Variants in KIF21B observed in about 807,000 individuals in gnomAD.
KIF21B encodes the protein kinesin-like protein KIF21B.
Under a neutral mutation model 192.9 loss-of-function variants are expected in KIF21B, and 85 were observed. That is an observed-to-expected ratio of 0.44 (90% CI 0.37 to 0.53). The LOEUF (loss-of-function observed/expected upper bound fraction) is 0.53. Ranked by LOEUF, KIF21B falls within the 20% of genes least tolerant of loss-of-function variation. The pLI, the probability that KIF21B is intolerant of heterozygous loss-of-function variation, is 0.00. For missense variants in KIF21B, 1,716 were observed against 2,194.8 expected, an observed-to-expected ratio of 0.78 and a Z score of 4.36; for synonymous variants, 832 against 884.6, an observed-to-expected ratio of 0.94 and a Z score of 1.05.
intron 8 of KIF21B, chr1:201,003,025 G>T: frequency 6.1e-6 from 1 of 163,764 alleles, no homozygotes. Flanking sequence ...CTGTTCCTTT[G>T]TGCATGGCTT....
rs116678140 is a variant in KIF21B at position 200,998,164 on chromosome 1, G to T, written c.2077+220C>A. 0.017 allele frequency among the ~76,000 whole-genome samples: 2,612 copies of T among 152,228 alleles called. 84 individuals carry two copies. Among genetic ancestry groups the T allele is most frequent in the African/African-American group, 0.059 (2,439 of 41,520 alleles). On this transcript the variant is annotated intron_variant, in intron 14 of 34. Transcript: ENST00000461742. The surrounding 1 kb of genome is among the most constrained non-coding windows in gnomAD (Gnocchi z 4.3). ...TATATAAAGAATTCTAATACATGAC[G>T]TGATAGCAAAGAAAAAAAATCAATT...
At chr1:200,979,785 T>G in intron 29 of KIF21B, 70 bp from the exon 30 acceptor site, 2 of 1,324,336 alleles carry the variant, frequency 1.5e-6, no homozygotes, top group Non-Finnish European at 2.0e-6. Context: ...GCTCCACCTC[T>G]GCAGGGGCTG....
intron 30 of KIF21B, among the ~76,000 whole-genome samples, chr1:200,977,595 T>C (rs772205310): frequency 2.0e-5 from 3 of 152,182 alleles, no homozygotes; most frequent in Non-Finnish European, 2.9e-5. Context: ...GGCCTGCCCA[T>C]GTGCCTGGTC....
At position 201,002,401 on chromosome 1, in the gene KIF21B, G is replaced by C. The variant is rs765018293; in HGVS notation, c.1213-51C>G. Reference sequence around the variant, plus strand: ...GTCAGGCAGCAGAGCTCGCGGTTGGGGGGGTAAGGGGCTGATGATGCCCCT... The same window carrying C: ...GTCAGGCAGCAGAGCTCGCGGTTGGCGGGGTAAGGGGCTGATGATGCCCCT... On this transcript the variant is annotated intron_variant, in intron 8 of 34. Coordinates refer to ENST00000461742, the MANE Select transcript of KIF21B (RefSeq NM_001252102.2). 64 of 1,545,194 alleles carry C rather than the reference G, an allele frequency of 4.1e-5. No individual in the cohort carries two copies. In the East Asian group the frequency reaches 1.2e-3, roughly 28 times the overall value.
intron 1 of KIF21B, among the ~76,000 whole-genome samples, chr1:201,013,001 C>G (rs1192931943): frequency 6.6e-6 from 1 of 152,172 alleles, no homozygotes; most frequent in African/African-American, 2.4e-5. Flanking sequence ...CCATCAGAGC[C>G]ATGGGGGCTC....
intron 15 of KIF21B, among the ~76,000 whole-genome samples, chr1:200,993,399 C>T (rs28377647): frequency 0.076 from 11,563 of 152,194 alleles, 1,407 homozygotes; most frequent in African/African-American, 0.26. Context: ...CCAGAAGCCT[C>T]GAACATCACC....
chr1:200,994,731 C>T (rs575698413), intron 15 of KIF21B, among the ~76,000 whole-genome samples: 53 of 152,342 alleles, frequency 3.5e-4, no homozygotes, highest in Admixed American at 1.2e-3. Flanking sequence ...CAGCTGGGAA[C>T]TCCCAGGGAG....
chr1:200,987,168 C>T lies in KIF21B; in HGVS notation c.3442G>A (p.Val1148Met), dbSNP rs1185314463. Residue 1148 changes from valine (V) to methionine (M), a missense_variant, in exon 25 of 35, where the codon GTG (valine) becomes ATG (methionine). By Grantham distance (21) the Val-to-Met change is conservative. Coordinates refer to ENST00000461742, the MANE Select transcript of KIF21B (RefSeq NM_001252102.2). Reference sequence around the variant, plus strand: ...GGGGGGCCCAGGCACTCAGCCGACACAGCTTTCATTTGGGCAGACAGTTTG... The same window carrying T: ...GGGGGGCCCAGGCACTCAGCCGACATAGCTTTCATTTGGGCAGACAGTTTG... ...EPKLSAQMKA[V>M]SAECLGPPLD... 6 of 1,613,868 alleles carry T rather than the reference C, an allele frequency of 3.7e-6. No individual in the cohort carries two copies. Among genetic ancestry groups the T allele is most frequent in the Non-Finnish European group, 5.1e-6 (6 of 1,179,996 alleles).
intron 14 of KIF21B, among the ~76,000 whole-genome samples, chr1:200,997,444 CT>C (rs957318567): frequency 2.6e-5 from 4 of 152,182 alleles, no homozygotes; most frequent in African/African-American, 7.2e-5. Context: ...CACGACCATC[CT>C]TTAAAAAACT....
chr1:200,992,200 T>A, intron 16 of KIF21B, 82 bp downstream of exon 16: 2 of 1,273,906 alleles, frequency 1.6e-6, no homozygotes, highest in Non-Finnish European at 2.2e-6. Flanking sequence ...GCCCGCTTGG[T>A]CAGGAGGGGC....
At chr1:201,007,167 C>CACAA (rs1197584624) in intron 3 of KIF21B, among the ~76,000 whole-genome samples, 2 of 146,998 alleles carry the variant, frequency 1.4e-5, no homozygotes, top group African/African-American at 2.5e-5. Flanking sequence ...CACAGAGACA[C>CACAA]ACAGACACAC....
rs1040246739 is a variant in KIF21B at position 200,971,385 on chromosome 1, G to C, written c.*2136C>G. 1 of 152,688 alleles carries C rather than the reference G, an allele frequency of 6.5e-6. No individual in the cohort carries two copies. Among genetic ancestry groups the C allele is most frequent in the African/African-American group, 2.4e-5 (1 of 41,482 alleles). The allele number at this position is 152,688 out of a possible 1,614,324, so 9.5% of individuals were successfully genotyped here. A position where few individuals can be genotyped will look rare whatever the true frequency, so the allele number is the denominator to read the frequency against. ...GCAGGGCCATAAGATCACACTTCGT[G>C]CAAGAACACGCCTTGCAGCTACAGT... On this transcript the variant is annotated 3_prime_UTR_variant, in exon 35 of 35. Coordinates refer to ENST00000461742, the MANE Select transcript of KIF21B (RefSeq NM_001252102.2).
rs898806272 is a variant in KIF21B, at chr1:200,969,391, T to TG, written c.*4129dup. 6.6e-6 allele frequency: 1 copy of TG among 150,902 alleles called. No individual in the cohort carries two copies. Among genetic ancestry groups the TG allele is most frequent in the Non-Finnish European group, 1.5e-5 (1 of 67,662 alleles). 9.3% of individuals were successfully genotyped at this position (150,902 alleles called of 1,614,324 possible). On this transcript the variant is annotated 3_prime_UTR_variant, in exon 35 of 35. Transcript: ENST00000461742. ...GGACAGGGGACACCTCCACAGACAT[T>TG]GGTCATTCAGGTTTTATTTATGACA...
chr1:201,018,404 T>C (rs1658636323), intron 1 of KIF21B, among the ~76,000 whole-genome samples: 1 of 152,224 alleles, frequency 6.6e-6, no homozygotes, highest in South Asian at 2.1e-4. Flanking sequence ...GGCAGCCCCA[T>C]GCTGCTAAGC....
At position 200,975,225 on chromosome 1, in the gene KIF21B, CTG is replaced by C. The variant is rs1434551532; in HGVS notation, c.4614+272_4614+273del. On this transcript the variant is annotated intron_variant, in intron 33 of 34. Coordinates refer to ENST00000461742, the MANE Select transcript of KIF21B (RefSeq NM_001252102.2). The surrounding 1 kb of genome is among the most constrained non-coding windows in gnomAD (Gnocchi z 4.3). ...TGCTCCCAGGAAAGGAATTGGGTAA[CTG>C]AGCTTCACATGCAAACCCAAGAGCT... 3.3e-5 allele frequency among the ~76,000 whole-genome samples: 5 copies of C among 152,220 alleles called. 1 individual carries two copies. Among genetic ancestry groups the C allele is most frequent in the African/African-American group, 1.2e-4 (5 of 41,454 alleles).
intron 3 of KIF21B, among the ~76,000 whole-genome samples, chr1:201,007,375 G>GAGACACACACAGACACACACAC: frequency 2.4e-5 from 1 of 42,354 alleles, no homozygotes; most frequent in South Asian, 5.2e-4. Flanking sequence ...CACACACAGA[G>GAGACACACACAGACACACACAC]ACAGAGACAC....
In KIF21B at chr1:200,998,164, G is replaced by A. The variant is rs116678140; in HGVS notation, c.2077+220C>T. Among the ~76,000 whole-genome samples the A allele has an allele frequency of 1.4e-3, 216 of 152,236 alleles. No individual in the cohort carries two copies. Among genetic ancestry groups the A allele is most frequent in the African/African-American group, 5.0e-3 (208 of 41,526 alleles). ...TATATAAAGAATTCTAATACATGAC[G>A]TGATAGCAAAGAAAAAAAATCAATT... On this transcript the variant is annotated intron_variant, in intron 14 of 34. Transcript: ENST00000461742. The surrounding 1 kb of genome is among the most constrained non-coding windows in gnomAD (Gnocchi z 4.3).
chr1:200,977,329 G>A lies in KIF21B; in HGVS notation c.4208C>T (p.Thr1403Ile). The change falls in exon 31 of 35, where the codon ACC becomes ATC. Residue 1403 changes from threonine (T) to isoleucine (I), a missense_variant. Physicochemically the swap from Thr to Ile is moderately conservative, Grantham distance 89. Around this residue, in one of 3 missense-constraint regions of KIF21B, gnomAD observed 580 missense variants for 775.5 expected, o/e 0.75. Transcript: ENST00000461742. ...GCCCTGAGCACTGGTGATGGCACGGGTGGATGTGGCGGCACAGGCATCCCC... is the reference window on the plus strand; with the variant it reads ...GCCCTGAGCACTGGTGATGGCACGGATGGATGTGGCGGCACAGGCATCCCC... ...ISGDACAATSTRAITSAQGEH... is the reference protein window; with the variant it reads ...ISGDACAATSIRAITSAQGEH... 1 of 1,614,278 alleles carries A rather than the reference G, an allele frequency of 6.2e-7. No homozygotes were observed. Among genetic ancestry groups the A allele is most frequent in the Non-Finnish European group, 8.5e-7 (1 of 1,180,042 alleles).
intron 14 of KIF21B, 109 bp from the exon 15 acceptor site, chr1:200,996,504 G>A: frequency 1.0e-6 from 1 of 976,958 alleles, no homozygotes; most frequent in South Asian, 1.4e-5. Flanking sequence ...CTCATTGTAT[G>A]ACCTTGGGCA....
Sources: allele counts gnomAD v4.1 joint callset (sites outside exome capture counted in the v4.1 genomes callset), GRCh38; gene constraint gnomAD v4.1.1; regional missense constraint gnomAD v4.1.1; non-coding constraint Gnocchi (gnomAD v3.1); transcripts MANE v1.5; gene names NCBI Gene and HGNC (gene_info 2026-07-23, HGNC 2026-07-21).